Variants in MAF observed in about 807,000 individuals in gnomAD.
MAF encodes the protein MAF bZIP transcription factor.
MAF carries 10 observed loss-of-function variants against 22.0 expected under a neutral mutation model. That is an observed-to-expected ratio of 0.45 (90% CI 0.28 to 0.77). The LOEUF (loss-of-function observed/expected upper bound fraction) is 0.77. Ranked by LOEUF, MAF falls within the 30% of genes least tolerant of loss-of-function variation. The pLI is 0.12. For missense variants in MAF, 544 were observed against 548.4 expected (o/e 0.99, Z 0.08); for synonymous variants, 337 against 255.8 (o/e 1.32, Z -3.03).
chr16:79,322,782 G>C, the MAF span, among the ~76,000 whole-genome samples: 2 of 152,028 alleles, frequency 1.3e-5, no homozygotes, highest in East Asian at 3.9e-4. Context: ...GTGGAGAAAA[G>C]GAGTAGGAAT....
chr16:79,208,857 C>T, the MAF span, among the ~76,000 whole-genome samples: 1 of 152,088 alleles, frequency 6.6e-6, no homozygotes, highest in African/African-American at 2.4e-5. Context: ...TCCAAGAGAC[C>T]AAAGGTGTGG....
At chr16:79,510,409 C>T in the MAF span, among the ~76,000 whole-genome samples, 1 of 152,188 alleles carries the variant, frequency 6.6e-6, no homozygotes, top group South Asian at 2.1e-4. Flanking sequence ...GGTGTGGTAT[C>T]TCCCCGCAGT....
chr16:79,384,406 C>T, the MAF span, among the ~76,000 whole-genome samples: 89,474 of 145,964 alleles, frequency 0.61, 28,905 homozygotes, highest in African/African-American at 0.77. Flanking sequence ...GATTACGCTA[C>T]TGTATCCCAG....
chr16:79,216,135 GTA>G, the MAF span, among the ~76,000 whole-genome samples: 4,934 of 151,216 alleles, frequency 0.033, 263 homozygotes, highest in African/African-American at 0.11. Flanking sequence ...ATCTGTATAT[GTA>G]TATGTCATGC....
chr16:79,481,958 C>CT, the MAF span, among the ~76,000 whole-genome samples: 25 of 152,112 alleles, frequency 1.6e-4, no homozygotes, highest in East Asian at 1.7e-3. Context: ...AGACACAAGA[C>CT]TGGAGGTCAC....
the MAF span, among the ~76,000 whole-genome samples, chr16:79,431,019 G>C: frequency 1.3e-5 from 2 of 152,132 alleles, no homozygotes; most frequent in Admixed American, 6.5e-5. Context: ...AATCCATGTA[G>C]GTGAATAGTT....
At chr16:79,496,546 C>G in the MAF span, among the ~76,000 whole-genome samples, 3 of 152,224 alleles carry the variant, frequency 2.0e-5, no homozygotes, top group African/African-American at 4.8e-5. Context: ...GTCTTATTAA[C>G]AGAGCAGTTT....
chr16:79,399,919 G>A, the MAF span, among the ~76,000 whole-genome samples: 1 of 152,148 alleles, frequency 6.6e-6, no homozygotes, highest in East Asian at 1.9e-4. Context: ...ACTAGTCGAA[G>A]CTCACGTGGG....
the MAF span, among the ~76,000 whole-genome samples, chr16:79,407,973 T>G: frequency 6.6e-6 from 1 of 150,686 alleles, no homozygotes; most frequent in Non-Finnish European, 1.5e-5. Flanking sequence ...AGAGAGGAAA[T>G]TCCTTCTCAG....
At chr16:79,365,841 C>T in the MAF span, among the ~76,000 whole-genome samples, 12 of 152,268 alleles carry the variant, frequency 7.9e-5, no homozygotes, top group South Asian at 2.3e-3. Flanking sequence ...GCACTGCTTC[C>T]AAGGAAGAAT....
chr16:79,371,808 A>G, the MAF span, among the ~76,000 whole-genome samples: 16 of 152,222 alleles, frequency 1.1e-4, no homozygotes, highest in Non-Finnish European at 2.2e-4. Flanking sequence ...GCTTCGCTTT[A>G]GAGATTGAAA....
chr16:79,590,059 C>T (rs1006148457), downstream of MAF, among the ~76,000 whole-genome samples: 1 of 152,150 alleles, frequency 6.6e-6, no homozygotes, highest in Non-Finnish European at 1.5e-5. Flanking sequence ...GTACGCCCCT[C>T]GGGGGACCTC....
At chr16:79,347,531 G>T in the MAF span, among the ~76,000 whole-genome samples, 1 of 152,196 alleles carries the variant, frequency 6.6e-6, no homozygotes, top group African/African-American at 2.4e-5. Flanking sequence ...TCTCTGACAC[G>T]GCTCCCAGCC....
chr16:79,523,110 G>C, the MAF span, among the ~76,000 whole-genome samples: 1 of 152,262 alleles, frequency 6.6e-6, no homozygotes, highest in East Asian at 1.9e-4. Flanking sequence ...TCCATCTTGA[G>C]CTTTTTCTGA....
chr16:79,412,058 T>A, the MAF span, among the ~76,000 whole-genome samples: 2 of 152,168 alleles, frequency 1.3e-5, no homozygotes, highest in Non-Finnish European at 2.9e-5. Context: ...TTAGTACACG[T>A]CAGGCAGAGA....
the MAF span, among the ~76,000 whole-genome samples, chr16:79,372,928 C>G: frequency 6.6e-6 from 1 of 152,210 alleles, no homozygotes; most frequent in Non-Finnish European, 1.5e-5. Flanking sequence ...TTCCTCCCCT[C>G]TTAATGCCCT....
chr16:79,575,339 A>G, the MAF span, among the ~76,000 whole-genome samples: 1 of 152,170 alleles, frequency 6.6e-6, no homozygotes, highest in South Asian at 2.1e-4. Flanking sequence ...TGAACAAGAG[A>G]TATACACCTG....
At chr16:79,351,057 T>G in the MAF span, among the ~76,000 whole-genome samples, 372 of 152,294 alleles carry the variant, frequency 2.4e-3, 2 homozygotes, top group African/African-American at 8.5e-3. Flanking sequence ...GCCTGATCCT[T>G]GCTCTGCCTC....
chr16:79,321,828 T>C, the MAF span, among the ~76,000 whole-genome samples: 303 of 152,066 alleles, frequency 2.0e-3, 2 homozygotes, highest in African/African-American at 6.4e-3. Context: ...GTGCTGGGAT[T>C]ACAGGTGTGA....
Sources: allele counts gnomAD v4.1 joint callset (sites outside exome capture counted in the v4.1 genomes callset), GRCh38; gene constraint gnomAD v4.1.1; transcripts MANE v1.5; gene names NCBI Gene and HGNC (gene_info 2026-07-23, HGNC 2026-07-21).